The following UHRF2 variants were observed in gnomAD, a reference collection of about 807,000 sequenced individuals.
UHRF2 encodes the protein E3 ubiquitin-protein ligase UHRF2.
UHRF2 carries 23 observed loss-of-function variants against 96.8 expected under a neutral mutation model. The observed-to-expected ratio is 0.24, with a 90% CI of 0.17 to 0.34. The LOEUF is 0.34. Ranked by LOEUF, UHRF2 falls within the 10% of genes least tolerant of loss-of-function variation. The pLI is 1.00. For missense variants in UHRF2, 685 were observed against 981.5 expected (o/e 0.70, Z 4.04); for synonymous variants, 385 against 332.6 (o/e 1.16, Z -1.72).
intron 8 of UHRF2, 40 bp from the exon 9 acceptor site, chr9:6,486,781 G>A (rs761599432): frequency 2.1e-5 from 33 of 1,591,600 alleles, no homozygotes; most frequent in Non-Finnish European, 2.7e-5. Flanking sequence ...TATCTTAACT[G>A]TTCAGAGGTA....
chr9:6,506,510 A>G lies in UHRF2; in HGVS notation c.*331A>G, dbSNP rs1316784525. ...GGATTTTAAAAATCATTGAATAACT[A>G]GTTAAATGAAATTTTAGCTACACAC... On this transcript the variant is annotated 3_prime_UTR_variant, in exon 16 of 16. Coordinates refer to ENST00000276893, the MANE Select transcript of UHRF2 (RefSeq NM_152896.3). The G allele has an allele frequency of 5.7e-6, 1 of 176,294 alleles. No homozygotes were observed. Among genetic ancestry groups the G allele is most frequent in the African/African-American group, 2.4e-5 (1 of 42,408 alleles). The allele number at this position is 176,294 out of a possible 1,614,324, so 10.9% of individuals were successfully genotyped here. A position where few individuals can be genotyped will look rare whatever the true frequency, so the allele number is the denominator to read the frequency against.
intron 4 of UHRF2, among the ~76,000 whole-genome samples, chr9:6,466,484 G>T (rs1213840736): frequency 6.8e-6 from 1 of 147,540 alleles, no homozygotes; most frequent in Non-Finnish European, 1.5e-5. Context: ...AGGTTGTAGT[G>T]AGCAGAGATC....
intron 3 of UHRF2, among the ~76,000 whole-genome samples, chr9:6,454,510 T>G (rs922306167): frequency 1.3e-5 from 2 of 152,194 alleles, no homozygotes; most frequent in South Asian, 4.1e-4. Context: ...CTTTCCTATG[T>G]CAGAACTACG....
At chr9:6,469,705 C>CACGTATATACATAT (rs1554630050) in intron 4 of UHRF2, among the ~76,000 whole-genome samples, 30,559 of 147,558 alleles carry the variant, frequency 0.21, 3,596 homozygotes, top group African/African-American at 0.3. Context: ...TATATACATA[C>CACGTATATACATAT]ATATACACAC....
intron 3 of UHRF2, among the ~76,000 whole-genome samples, chr9:6,435,158 TA>T (rs890935935): frequency 2.0e-5 from 3 of 152,184 alleles, no homozygotes; most frequent in African/African-American, 7.2e-5. Flanking sequence ...CACGCCTGGC[TA>T]ATTTTTGTAT....
At chr9:6,495,862 A>T (rs1824934768) in intron 10 of UHRF2, 1 of 152,230 alleles carries the variant, frequency 6.6e-6, no homozygotes, top group Non-Finnish European at 1.5e-5. Flanking sequence ...GACATGAATG[A>T]AACTTACCCT....
chr9:6,484,025 T>A (rs1473297597), intron 8 of UHRF2, among the ~76,000 whole-genome samples: 7 of 151,994 alleles, frequency 4.6e-5, no homozygotes, highest in Admixed American at 6.6e-5. Context: ...GCAGCCACTT[T>A]AAAATTTTAG....
chr9:6,501,928 A>T (rs558988126), intron 14 of UHRF2, among the ~76,000 whole-genome samples: 67 of 152,306 alleles, frequency 4.4e-4, no homozygotes, highest in African/African-American at 1.5e-3. Context: ...AAGCCACCTG[A>T]GTGGTGTGAA....
intron 9 of UHRF2, among the ~76,000 whole-genome samples, chr9:6,487,153 AT>A (rs1464162142): frequency 1.5e-5 from 2 of 135,948 alleles, no homozygotes; most frequent in African/African-American, 5.7e-5. Context: ...AGGAAAACAC[AT>A]TCTCTATAGA....
intron 9 of UHRF2, among the ~76,000 whole-genome samples, chr9:6,491,022 G>T (rs1041311125): frequency 6.6e-6 from 1 of 152,140 alleles, no homozygotes; most frequent in Admixed American, 6.5e-5. Context: ...TTCTGTCTGG[G>T]TGAATGGATG....
intron 6 of UHRF2, among the ~76,000 whole-genome samples, chr9:6,478,965 T>C (rs1484122555): frequency 6.6e-6 from 1 of 152,226 alleles, no homozygotes; most frequent in East Asian, 1.9e-4. Context: ...CCTGCTTCTC[T>C]AAAATACGCT....
At chr9:6,496,907 A>C (rs1193946415) in intron 10 of UHRF2, 1 of 244,408 alleles carries the variant, frequency 4.1e-6, no homozygotes, top group African/African-American at 2.2e-5. Flanking sequence ...GAAAAATTCC[A>C]TGTATTTCTA....
At chr9:6,441,389 GA>G (rs201426021) in intron 3 of UHRF2, among the ~76,000 whole-genome samples, 17,538 of 137,674 alleles carry the variant, frequency 0.13, 1,164 homozygotes, top group East Asian at 0.24. Context: ...CTCCCAAAAA[GA>G]AAAAAAAAAA....
intron 2 of UHRF2, among the ~76,000 whole-genome samples, chr9:6,425,771 A>G (rs1054515721): frequency 3.1e-4 from 4 of 12,894 alleles, no homozygotes. Flanking sequence ...AAGTAAATAA[A>G]TTAAAAAAAA....
chr9:6,456,305 CA>C (rs1346498191), intron 3 of UHRF2, among the ~76,000 whole-genome samples: 1 of 152,020 alleles, frequency 6.6e-6, no homozygotes, highest in Admixed American at 6.5e-5. Flanking sequence ...AGCTTTTTTT[CA>C]TATGTTTGTT....
chr9:6,457,983 C>G (rs190635284), intron 3 of UHRF2, among the ~76,000 whole-genome samples: 120 of 152,200 alleles, frequency 7.9e-4, no homozygotes, highest in African/African-American at 2.7e-3. Context: ...TTTGTTGTGT[C>G]TCTGCCAGGT....
At chr9:6,458,416 T>C (rs1188591964) in intron 3 of UHRF2, among the ~76,000 whole-genome samples, 2 of 152,158 alleles carry the variant, frequency 1.3e-5, no homozygotes, top group Admixed American at 6.5e-5. Flanking sequence ...GCAGTCTATT[T>C]TGCTGATCTT....
chr9:6,437,449 T>G (rs1820918081), intron 3 of UHRF2, among the ~76,000 whole-genome samples: 1 of 151,996 alleles, frequency 6.6e-6, no homozygotes, highest in African/African-American at 2.4e-5. Flanking sequence ...GTCAGGCTGG[T>G]CTTGAACTCT....
rs148308870 is a variant in UHRF2, at chr9:6,466,120, G to T, written c.863+5329G>T. Among the ~76,000 whole-genome samples the T allele has an allele frequency of 1.0e-3, 153 of 152,282 alleles. 3 individuals carry two copies. The East Asian group carries it at 0.028, about 28-fold the overall frequency. On this transcript the variant is annotated intron_variant, in intron 4 of 15. Coordinates refer to ENST00000276893, the MANE Select transcript of UHRF2 (RefSeq NM_152896.3). ...TACCTTATTAAAACTACAGATAAAG[G>T]CCGAGCATGGTGGCTTGTGCCTGTA...
Sources: allele counts gnomAD v4.1 joint callset (sites outside exome capture counted in the v4.1 genomes callset), GRCh38; gene constraint gnomAD v4.1.1; transcripts MANE v1.5; gene names NCBI Gene and HGNC (gene_info 2026-07-23, HGNC 2026-07-21).